Variants in CHST8 observed in about 807,000 individuals in gnomAD.
The protein encoded by CHST8 is carbohydrate sulfotransferase 8, also known as GALNAC-4-ST1.
Under a neutral mutation model 15.0 loss-of-function variants are expected in CHST8, and 10 were observed. That is an observed-to-expected ratio of 0.67 (90% confidence interval 0.41 to 1.13). The LOEUF (loss-of-function observed/expected upper bound fraction) is 1.13. Ranked by LOEUF, CHST8 falls within the 50% of genes most tolerant of loss-of-function variation. The probability of loss-of-function intolerance (pLI) is 0.00; values close to 1 mark genes in which losing one functional copy is unlikely to be tolerated. For synonymous variants in CHST8, 259 were observed against 256.6 expected (o/e 1.01, Z -0.09); for missense variants, 634 against 608.2 (o/e 1.04, Z -0.45).
chr19:33,687,563 G>A (rs974437423), intron 2 of CHST8, among the ~76,000 whole-genome samples: 9 of 152,196 alleles, frequency 5.9e-5, no homozygotes, highest in African/African-American at 1.7e-4. Context: ...CCAACTGCTC[G>A]GCACAGTCCA....
intron 4 of CHST8, 140 bp downstream of exon 4, chr19:33,771,590 A>G: frequency 1.1e-6 from 1 of 884,844 alleles, no homozygotes; most frequent in Non-Finnish European, 1.8e-6. Flanking sequence ...AGCCTTGGGA[A>G]CAAAGCCCAG....
Position 33,650,526 on chromosome 19 carries a change from T to TCTTTTC in CHST8, c.-163-17241_-163-17240insCTTTTC, listed in dbSNP as rs1568315079. On this transcript the variant is annotated intron_variant, in intron 1 of 4. Coordinates refer to ENST00000650847, the MANE Select transcript of CHST8 (RefSeq NM_001127895.2). The stretch of plus-strand genomic sequence containing the variant: ...CTTTTTCTTTTTCTTTTCTTTTTTT[T>TCTTTTC]TTTTTTTTTTTTTTTTTTTTTGAGA... Among the ~76,000 whole-genome samples, 2 of 108,554 alleles carry TCTTTTC rather than the reference T, an allele frequency of 1.8e-5. 1 individual carries two copies. Among genetic ancestry groups the TCTTTTC allele is most frequent in the African/African-American group, 7.7e-5 (2 of 25,972 alleles). 71.2% of individuals were successfully genotyped at this position (108,554 alleles called of 152,430 possible). A position where few individuals can be genotyped will look rare whatever the true frequency, so the allele number is the denominator to read the frequency against.
At position 33,683,069 on chromosome 19, in the gene CHST8, A is replaced by G. The variant is rs533355192; in HGVS notation, c.-86-6107A>G. On this transcript the variant is annotated intron_variant, in intron 2 of 4. Transcript: ENST00000650847. The stretch of plus-strand genomic sequence containing the variant: ...AGGTCCTAGACTCTTTTAAACAGTC[A>G]GATTTCACATGAACTGAATGAGAAC... 9.2e-5 allele frequency among the ~76,000 whole-genome samples: 14 copies of G among 152,316 alleles called. 1 individual carries two copies. In the South Asian group the frequency reaches 2.5e-3, roughly 27 times the overall value.
At chr19:33,690,838 G>C (rs60271741) in intron 3 of CHST8, among the ~76,000 whole-genome samples, 1 of 152,222 alleles carries the variant, frequency 6.6e-6, no homozygotes, top group Non-Finnish European at 1.5e-5. Context: ...GGCAGACAGC[G>C]AGCTGGTACC....
intron 3 of CHST8, among the ~76,000 whole-genome samples, chr19:33,708,576 T>C (rs1973488175): frequency 6.6e-6 from 1 of 152,262 alleles, no homozygotes; most frequent in Non-Finnish European, 1.5e-5. Flanking sequence ...ATTTATTTCA[T>C]TGATCTGTAT....
chr19:33,768,715 A>G (rs958934970), intron 3 of CHST8, among the ~76,000 whole-genome samples: 1 of 152,156 alleles, frequency 6.6e-6, no homozygotes, highest in Admixed American at 6.5e-5. Context: ...CAGCCTCCCA[A>G]GTGCTGGGAT....
chr19:33,663,217 T>C lies in CHST8; in HGVS notation c.-163-4550T>C, dbSNP rs1416602948. On this transcript the variant is annotated intron_variant, in intron 1 of 4. Transcript: ENST00000650847. ...AACAGCTGGTTATGGATGCTTCAGA[T>C]GTTTGTGTGCATGGAGATTGGACTT... Among the ~76,000 whole-genome samples the C allele has an allele frequency of 2.6e-5, 4 of 152,318 alleles. No homozygotes were observed. In the South Asian group the frequency reaches 8.3e-4, roughly 32 times the overall value.
intron 3 of CHST8, among the ~76,000 whole-genome samples, chr19:33,757,418 GAAAGAAAGAAAGAAAGAAAGAA>G (rs1974575954): frequency 1.1e-4 from 1 of 9,096 alleles, no homozygotes; most frequent in East Asian, 2.5e-3. Flanking sequence ...AAGAAAGAAA[GAAAGAAAGAAAGAAAGAAAGAA>G]AGAAAGAAAG....
rs1273057588 is a variant in CHST8, at chr19:33,700,004, A to G, written c.130+10613A>G. Among the ~76,000 whole-genome samples the G allele has an allele frequency of 4.6e-5, 7 of 152,282 alleles. No individual in the cohort carries two copies. The South Asian group carries it at 1.5e-3, about 32-fold the overall frequency. On this transcript the variant is annotated intron_variant, in intron 3 of 4. Transcript: ENST00000650847. ...CGGCCACCCCTACCTGCTCTCTCTG[A>G]GCAGCTGGGCCAGGTTGGCTGCAGG...
chr19:33,756,787 C>CA (rs35297060), intron 3 of CHST8, among the ~76,000 whole-genome samples: 3 of 152,222 alleles, frequency 2.0e-5, no homozygotes, highest in Non-Finnish European at 4.4e-5. Flanking sequence ...CCAAGTTCCC[C>CA]AGTCACCTCC....
intron 2 of CHST8, among the ~76,000 whole-genome samples, chr19:33,676,611 T>G (rs1450980133): frequency 6.6e-6 from 1 of 151,978 alleles, no homozygotes. Flanking sequence ...TGTGATGGCT[T>G]ACGCCTGTCA....
At chr19:33,691,018 C>T (rs1382598532) in intron 3 of CHST8, among the ~76,000 whole-genome samples, 1 of 152,166 alleles carries the variant, frequency 6.6e-6, no homozygotes, top group Non-Finnish European at 1.5e-5. Context: ...CATGAGTGTG[C>T]CTGTGATGCC....
chr19:33,655,723 A>AT (rs1568316659), intron 1 of CHST8, among the ~76,000 whole-genome samples: 1 of 151,646 alleles, frequency 6.6e-6, no homozygotes, highest in Admixed American at 6.6e-5. Context: ...ATTTTTATAA[A>AT]TTTTTTTTGC....
intron 3 of CHST8, among the ~76,000 whole-genome samples, chr19:33,724,994 T>G (rs1338256734): frequency 1.3e-5 from 2 of 151,778 alleles, no homozygotes; most frequent in Non-Finnish European, 2.9e-5. Context: ...GGCACAGAGC[T>G]CCCGGGAGCC....
At position 33,672,946 on chromosome 19, in the gene CHST8, C is replaced by G. The variant is rs184859777; in HGVS notation, c.-87+5103C>G. ...GGGTGACGCTGTGGTTGAGGATGGACCCAGGCAGGACGCGCCCAGGTCCAC... is the reference window on the plus strand; with the variant it reads ...GGGTGACGCTGTGGTTGAGGATGGAGCCAGGCAGGACGCGCCCAGGTCCAC... On this transcript the variant is annotated intron_variant, in intron 2 of 4. Coordinates refer to ENST00000650847, the MANE Select transcript of CHST8 (RefSeq NM_001127895.2). Among the ~76,000 whole-genome samples, 49 of 152,184 alleles carry G rather than the reference C, an allele frequency of 3.2e-4. 1 individual carries two copies. Among genetic ancestry groups the G allele is most frequent in the African/African-American group, 1.1e-3 (47 of 41,440 alleles).
chr19:33,701,229 C>T (rs1282001962), intron 3 of CHST8, among the ~76,000 whole-genome samples: 2 of 152,112 alleles, frequency 1.3e-5, no homozygotes, highest in Non-Finnish European at 2.9e-5. Flanking sequence ...CCTGTGTCTT[C>T]CCAGTCTTCT....
At chr19:33,757,336 T>C (rs1310801854) in intron 3 of CHST8, among the ~76,000 whole-genome samples, 1 of 145,138 alleles carries the variant, frequency 6.9e-6, no homozygotes, top group East Asian at 2.0e-4. Context: ...GCCAAAACCA[T>C]GCCACTGCAC....
At position 33,771,957 on chromosome 19, in the gene CHST8, G is replaced by T. The variant is rs1568365469; in HGVS notation, c.169G>T (p.Asp57Tyr). ...ATAACCACTTCTCTTCTTGCCCCAG[G>T]ACCTCCCACCAGGCGGCTCCCAGGA... ...FNIRPRQPHH[D>Y]LPPGGSQDGD... The change falls in exon 5 of 5, where the codon GAC becomes TAC. Residue 57 changes from aspartate to tyrosine, a missense_variant and splice_region_variant. Transcript: ENST00000650847. The T allele has an allele frequency of 1.3e-6, 2 of 1,559,650 alleles. No individual in the cohort carries two copies. The highest frequency in any genetic ancestry group is 4.0e-5 in the Admixed American group (2 of 50,554).
intron 3 of CHST8, among the ~76,000 whole-genome samples, chr19:33,758,019 C>A (rs1395419219): frequency 6.6e-6 from 1 of 152,224 alleles, no homozygotes; most frequent in East Asian, 1.9e-4. Flanking sequence ...CTATCCAGAC[C>A]CTCGGCAGGG....
Sources: allele counts gnomAD v4.1 joint callset (sites outside exome capture counted in the v4.1 genomes callset), GRCh38; gene constraint gnomAD v4.1.1; transcripts MANE v1.5; gene names NCBI Gene and HGNC (gene_info 2026-07-23, HGNC 2026-07-21).